STPG2: variants seen among roughly 807,000 people sequenced by gnomAD.
STPG2 encodes the protein sperm tail PG-rich repeat containing 2, also known as sperm-tail PG-rich repeat-containing protein 2.
Under a neutral mutation model 54.2 loss-of-function variants are expected in STPG2, and 56 were observed. The ratio of observed to expected loss-of-function variants is 1.03; its 90% CI spans 0.83 to 1.29. The LOEUF (loss-of-function observed/expected upper bound fraction) is 1.29, where lower values mean the gene tolerates loss of function less well. STPG2 is among the 50% of genes most tolerant of loss of function. The pLI, the probability that STPG2 is intolerant of heterozygous loss-of-function variation, is 0.00. For missense variants in STPG2, 596 were observed against 544.9 expected (o/e 1.09, Z -0.93); for synonymous variants, 200 against 181.8 (o/e 1.10, Z -0.81).
intron 5 of STPG2, among the ~76,000 whole-genome samples, chr4:98,039,690 A>ACATATATC (rs1736888636): frequency 7.0e-6 from 1 of 142,756 alleles, no homozygotes; most frequent in Non-Finnish European, 1.5e-5. Context: ...ATACATATAT[A>ACATATATC]TATATATATC....
chr4:98,086,512 T>G (rs1341457163), intron 5 of STPG2, among the ~76,000 whole-genome samples: 1 of 152,048 alleles, frequency 6.6e-6, no homozygotes, highest in Non-Finnish European at 1.5e-5. Context: ...AACAAATTCA[T>G]TTCATTTTTA....
At chr4:97,583,965 C>CAAGCACT (rs1293021740) in intron 10 of STPG2, among the ~76,000 whole-genome samples, 1 of 151,782 alleles carries the variant, frequency 6.6e-6, no homozygotes, top group Non-Finnish European at 1.5e-5. Context: ...ACTAGATATA[C>CAAGCACT]AGGTTATCAA....
Position 97,690,177 on chromosome 4 carries a change from C to G in STPG2, c.1320+22522G>C, listed in dbSNP as rs1446705832. ...TTTACAAGGTGAAAACTGTCATCAC[C>G]TTTTTTCTCAGTAAATTAGAGTAAT... On this transcript the variant is annotated intron_variant, in intron 10 of 10. Transcript: ENST00000295268. Among the ~76,000 whole-genome samples, 3 of 151,934 alleles carry G rather than the reference C, an allele frequency of 2.0e-5. No homozygotes were observed. In the East Asian group the frequency reaches 5.8e-4, roughly 29 times the overall value.
intron 10 of STPG2, among the ~76,000 whole-genome samples, chr4:97,567,900 C>T (rs928998090): frequency 6.6e-6 from 1 of 151,948 alleles, no homozygotes; most frequent in Admixed American, 6.6e-5. Flanking sequence ...GAATGATAAA[C>T]CAGAAATCAA....
At chr4:97,967,590 T>C (rs896880314) in intron 7 of STPG2, among the ~76,000 whole-genome samples, 9 of 152,140 alleles carry the variant, frequency 5.9e-5, no homozygotes, top group African/African-American at 1.9e-4. Flanking sequence ...TATTCCAAAA[T>C]TGACCACATA....
intron 8 of STPG2, among the ~76,000 whole-genome samples, chr4:97,931,950 T>C (rs925675686): frequency 6.6e-6 from 1 of 152,138 alleles, no homozygotes; most frequent in African/African-American, 2.4e-5. Flanking sequence ...AGGGAATCAA[T>C]TTCTTCCTGG....
chr4:97,445,509 TTA>T (rs1196431542), intron 4 of STPG2, among the ~76,000 whole-genome samples: 1 of 152,242 alleles, frequency 6.6e-6, no homozygotes, highest in African/African-American at 2.4e-5. Context: ...ACCTTAAATA[TTA>T]TCATTTTGGC....
chr4:97,474,055 G>C (rs890393920), intron 4 of STPG2, among the ~76,000 whole-genome samples: 1 of 152,078 alleles, frequency 6.6e-6, no homozygotes, highest in African/African-American at 2.4e-5. Context: ...TGTATACTAA[G>C]AGTGAACCCT....
intron 4 of STPG2, among the ~76,000 whole-genome samples, chr4:97,539,427 A>T (rs1731634127): frequency 6.6e-6 from 1 of 152,226 alleles, no homozygotes; most frequent in Non-Finnish European, 1.5e-5. Flanking sequence ...AAACCAATAA[A>T]GATCAAAAGA....
At chr4:97,521,139 C>T (rs1731172666) in intron 4 of STPG2, among the ~76,000 whole-genome samples, 1 of 151,926 alleles carries the variant, frequency 6.6e-6, no homozygotes, top group Admixed American at 6.6e-5. Flanking sequence ...AAGAATAAAA[C>T]ATATCATTTC....
At chr4:98,133,712 A>G (rs1265386448) in intron 2 of STPG2, among the ~76,000 whole-genome samples, 1 of 151,992 alleles carries the variant, frequency 6.6e-6, no homozygotes, top group Non-Finnish European at 1.5e-5. Flanking sequence ...TCAAACTGCA[A>G]CCTGCATCTA....
chr4:97,892,516 C>T (rs1730809023), intron 8 of STPG2, among the ~76,000 whole-genome samples: 1 of 152,154 alleles, frequency 6.6e-6, no homozygotes, highest in African/African-American at 2.4e-5. Flanking sequence ...GTACCAAAGA[C>T]CGCATAAGCT....
intron 9 of STPG2, among the ~76,000 whole-genome samples, chr4:97,784,346 T>C (rs975500601): frequency 6.6e-6 from 1 of 152,168 alleles, no homozygotes; most frequent in Non-Finnish European, 1.5e-5. Context: ...TGTTACTTTT[T>C]CTAAACCAAA....
chr4:97,858,339 G>T (rs183776264), intron 8 of STPG2, among the ~76,000 whole-genome samples: 1 of 152,144 alleles, frequency 6.6e-6, no homozygotes, highest in African/African-American at 2.4e-5. Flanking sequence ...GCTCAAGTAT[G>T]TCTGACAGCA....
intron 9 of STPG2, among the ~76,000 whole-genome samples, chr4:97,800,653 T>C (rs1727362425): frequency 6.6e-6 from 1 of 152,196 alleles, no homozygotes; most frequent in African/African-American, 2.4e-5. Flanking sequence ...GGAGGCAGTC[T>C]GTCCATTCTC....
At chr4:97,524,528 T>G (rs1308297003) in intron 4 of STPG2, among the ~76,000 whole-genome samples, 43 of 152,106 alleles carry the variant, frequency 2.8e-4, no homozygotes, top group Non-Finnish European at 7.4e-5. Flanking sequence ...CTATTCACAT[T>G]AATGATATCT....
At position 97,706,204 on chromosome 4, in the gene STPG2, G is replaced by A. The variant is rs1229191589; in HGVS notation, c.1320+6495C>T. On this transcript the variant is annotated intron_variant, in intron 10 of 10. Coordinates refer to ENST00000295268, the MANE Select transcript of STPG2 (RefSeq NM_174952.3). The stretch of plus-strand genomic sequence containing the variant: ...AGCCCTTCTGAAAAAAGCAGATAAC[G>A]GAGGACTAGACACATATACTCAGCA... Among the ~76,000 whole-genome samples the A allele has an allele frequency of 3.9e-5, 6 of 152,060 alleles. No individual in the cohort carries two copies. In the East Asian group the frequency reaches 7.7e-4, roughly 19 times the overall value.
chr4:97,835,511 T>C (rs2149116535), intron 9 of STPG2, among the ~76,000 whole-genome samples: 1 of 152,246 alleles, frequency 6.6e-6, no homozygotes, highest in East Asian at 1.9e-4. Context: ...TACTTGTTGA[T>C]AAGGCACCTG....
intron 10 of STPG2, among the ~76,000 whole-genome samples, chr4:97,569,263 T>C (rs1412065301): frequency 6.6e-6 from 1 of 152,184 alleles, no homozygotes; most frequent in Non-Finnish European, 1.5e-5. Context: ...ACTGTCATGG[T>C]GCTCCTGGGA....
Sources: allele counts gnomAD v4.1 joint callset (sites outside exome capture counted in the v4.1 genomes callset), GRCh38; gene constraint gnomAD v4.1.1; transcripts MANE v1.5; gene names NCBI Gene and HGNC (gene_info 2026-07-23, HGNC 2026-07-21).